HIPK1: variants seen among roughly 807,000 people sequenced by gnomAD.
HIPK1 encodes homeodomain-interacting protein kinase 1.
A neutral mutation model predicts 117.1 loss-of-function variants in HIPK1; 28 were observed. That is an observed-to-expected ratio of 0.24 (90% CI 0.18 to 0.33). The LOEUF (loss-of-function observed/expected upper bound fraction) is 0.33, where lower values mean the gene tolerates loss of function less well. Ranked by LOEUF, HIPK1 falls within the 10% of genes least tolerant of loss-of-function variation. The pLI is 1.00. For synonymous variants in HIPK1, 605 were observed against 562.5 expected (o/e 1.08, Z -1.07); for missense variants, 1,122 against 1,475.1 (o/e 0.76, Z 3.92).
intron 2 of HIPK1, among the ~76,000 whole-genome samples, chr1:113,950,806 G>GCACC (rs1286935947): frequency 6.6e-6 from 1 of 152,152 alleles, no homozygotes; most frequent in Non-Finnish European, 1.5e-5. Context: ...CTGGCCAAGG[G>GCACC]CACCATCTTT....
intron 1 of HIPK1, chr1:113,932,077 T>G (rs984944209): frequency 2.0e-5 from 3 of 152,226 alleles, no homozygotes; most frequent in African/African-American, 7.2e-5. Context: ...TGATCTTCCC[T>G]TTAGTTGTTG....
Position 113,962,444 on chromosome 1 carries a change from AG to A in HIPK1, c.2103+7del. On this transcript the variant is annotated splice_region_variant and intron_variant, in intron 9 of 15. Coordinates refer to ENST00000426820, the MANE Select transcript of HIPK1 (RefSeq NM_198268.3). Reference sequence around the variant, plus strand: ...AGTCAGGAGTTCTCACGCAGGTAAAAGCTAGAGCAATGTGGATACTCAGTAT... The same window carrying A: ...AGTCAGGAGTTCTCACGCAGGTAAAACTAGAGCAATGTGGATACTCAGTAT... 6.2e-7 allele frequency: 1 copy of A among 1,612,988 alleles called. No homozygotes were observed. Among genetic ancestry groups the A allele is most frequent in the Non-Finnish European group, 8.5e-7 (1 of 1,179,412 alleles).
In HIPK1 at chr1:113,940,974, C is replaced by G. The variant is rs750043102; in HGVS notation, c.591C>G (p.Gly197=). The part of the protein sequence containing the change: ...TNSYEVLEFL[G]RGTFGQVAKC... ...GCTATGAAGTCTTGGAGTTCCTAGG[C>G]CGGGGGACATTTGGACAGGTGGCTA... The change falls in exon 2 of 16, where the codon GGC becomes GGG. Residue 197 remains glycine (G), a synonymous_variant. Coordinates refer to ENST00000426820, the MANE Select transcript of HIPK1 (RefSeq NM_198268.3). 2 of 1,614,098 alleles carry G rather than the reference C, an allele frequency of 1.2e-6. No homozygotes were observed. Among genetic ancestry groups the G allele is most frequent in the South Asian group, 2.2e-5 (2 of 91,074 alleles).
rs1435708820 is a variant in HIPK1 at position 113,941,555 on chromosome 1, T to C, written c.1076+96T>C. ...GGCTACATATAGCAATGAATTTGTT[T>C]ATAGATTCTGAGATAGAAATAGGAT... On this transcript the variant is annotated intron_variant, in intron 2 of 15. Transcript: ENST00000426820. This position sits in a 1 kb window ranked among gnomAD's most constrained non-coding sequence, Gnocchi z 4.9. 3 of 933,642 alleles carry C rather than the reference T, an allele frequency of 3.2e-6. No homozygotes were observed. Among genetic ancestry groups the C allele is most frequent in the African/African-American group, 3.3e-5 (2 of 60,736 alleles). The allele number at this position is 933,642 out of a possible 1,614,324, so 57.8% of individuals were successfully genotyped here.
chr1:113,945,100 C>T (rs755892273), intron 2 of HIPK1, among the ~76,000 whole-genome samples: 19 of 151,898 alleles, frequency 1.3e-4, no homozygotes, highest in Non-Finnish European at 2.2e-4. Flanking sequence ...ATGCCCGCCT[C>T]GGCAACCCAA....
At position 113,940,916 on chromosome 1, in the gene HIPK1, T is replaced by C; in HGVS notation, c.533T>C (p.Val178Ala). The C allele has an allele frequency of 6.2e-7, 1 of 1,614,110 alleles. No individual in the cohort carries two copies. The highest frequency in any genetic ancestry group is 8.5e-7 in the Non-Finnish European group (1 of 1,180,026). Residue 178 changes from valine to alanine, a missense_variant, in exon 2 of 16, where the codon GTC becomes GCC. Transcript: ENST00000426820. ...SSSGEGDYQL[V>A]QHEILCSMTN... ...AGCGGAGAAGGGGATTACCAGCTGG[T>C]CCAGCATGAGATCCTTTGCTCTATG...
At position 113,940,692 on chromosome 1, in the gene HIPK1, C is replaced by T; in HGVS notation, c.309C>T (p.Ser103=). ...GSAATSTFQS[S]QTLTHRSNVS... ...CTGCTACATCAACCTTCCAAAGCAGCCAGACCCTGACTCACAGAAGCAACG... is the reference window on the plus strand; with the variant it reads ...CTGCTACATCAACCTTCCAAAGCAGTCAGACCCTGACTCACAGAAGCAACG... Residue 103 remains serine, a synonymous_variant, in exon 2 of 16, where the codon AGC becomes AGT. Coordinates refer to ENST00000426820, the MANE Select transcript of HIPK1 (RefSeq NM_198268.3). The T allele has an allele frequency of 6.2e-7, 1 of 1,614,204 alleles. No homozygotes were observed. Among genetic ancestry groups the T allele is most frequent in the Non-Finnish European group, 8.5e-7 (1 of 1,180,040 alleles).
Position 113,974,505 on chromosome 1 carries a change from G to A in HIPK1, c.*993G>A, listed in dbSNP as rs1267693945. 6.6e-6 allele frequency: 1 copy of A among 152,538 alleles called. No homozygotes were observed. Among genetic ancestry groups the A allele is most frequent in the East Asian group, 1.9e-4 (1 of 5,290 alleles). 9.4% of individuals were successfully genotyped at this position (152,538 alleles called of 1,614,324 possible). On this transcript the variant is annotated 3_prime_UTR_variant, in exon 16 of 16. Coordinates refer to ENST00000426820, the MANE Select transcript of HIPK1 (RefSeq NM_198268.3). ...ATTTTCAGTAATACACCTCTGTTTT[G>A]CTCATCTCTCCCTTCTGTTTTATGT...
chr1:113,933,977 C>A (rs1448598940), intron 1 of HIPK1, among the ~76,000 whole-genome samples: 1 of 152,134 alleles, frequency 6.6e-6, no homozygotes, highest in African/African-American at 2.4e-5. Context: ...TTTAGGTGTT[C>A]TGTTGGGAAG....
At chr1:113,933,903 T>C (rs1334245938) in intron 1 of HIPK1, among the ~76,000 whole-genome samples, 1 of 151,962 alleles carries the variant, frequency 6.6e-6, no homozygotes, top group Non-Finnish European at 1.5e-5. Flanking sequence ...AGGAAACCAG[T>C]TAAGCTGTTT....
chr1:113,958,632 G>A (rs1671890857), intron 8 of HIPK1, among the ~76,000 whole-genome samples: 1 of 152,096 alleles, frequency 6.6e-6, no homozygotes, highest in African/African-American at 2.4e-5. Flanking sequence ...GAAAAAATTT[G>A]TTGTAAGCAG....
intron 1 of HIPK1, among the ~76,000 whole-genome samples, chr1:113,939,749 A>G (rs1369454125): frequency 6.6e-6 from 1 of 152,090 alleles, no homozygotes; most frequent in Non-Finnish European, 1.5e-5. Context: ...TAAATATGAA[A>G]TGGCTTGTGT....
chr1:113,948,066 A>C (rs1671104408), intron 2 of HIPK1, among the ~76,000 whole-genome samples: 1 of 152,236 alleles, frequency 6.6e-6, no homozygotes, highest in African/African-American at 2.4e-5. Flanking sequence ...GAAAGATGTA[A>C]TGAAAATAAT....
chr1:113,947,525 G>C (rs1342616524), intron 2 of HIPK1, among the ~76,000 whole-genome samples: 1 of 152,198 alleles, frequency 6.6e-6, no homozygotes, highest in Non-Finnish European at 1.5e-5. Context: ...TGGTAAGTAA[G>C]TAGGTTTGAT....
At chr1:113,970,240 GT>G (rs1450357454) in intron 14 of HIPK1, 43 bp downstream of exon 14, 2 of 1,606,758 alleles carry the variant, frequency 1.2e-6, no homozygotes, top group Non-Finnish European at 1.7e-6. Flanking sequence ...CTCCTTTGAT[GT>G]GTGAATGCTT....
At chr1:113,935,272 A>G (rs1054743518) in intron 1 of HIPK1, among the ~76,000 whole-genome samples, 2 of 152,158 alleles carry the variant, frequency 1.3e-5, no homozygotes, top group African/African-American at 2.4e-5. Context: ...AAGTGAGAAC[A>G]TGCAGTACTT....
rs1673053089 is a variant in HIPK1 at position 113,974,806 on chromosome 1, A to G, written c.*1294A>G. On this transcript the variant is annotated 3_prime_UTR_variant, in exon 16 of 16. Coordinates refer to ENST00000426820, the MANE Select transcript of HIPK1 (RefSeq NM_198268.3). ...TATTGATTAGAAAAATATAACAAGC[A>G]ATTTTTCCTGCTAACCCAAAATGTT... 1 of 152,686 alleles carries G rather than the reference A, an allele frequency of 6.5e-6. No homozygotes were observed. 9.5% of individuals were successfully genotyped at this position (152,686 alleles called of 1,614,324 possible).
At chr1:113,956,858 A>G (rs1671762040) in intron 6 of HIPK1, 47 bp downstream of exon 6, 2 of 1,545,874 alleles carry the variant, frequency 1.3e-6, no homozygotes. Context: ...TTCTTTGTTG[A>G]GTTACCGCCT....
intron 14 of HIPK1, among the ~76,000 whole-genome samples, chr1:113,970,691 A>G (rs1373640815): frequency 1.3e-5 from 2 of 152,208 alleles, no homozygotes; most frequent in Non-Finnish European, 2.9e-5. Context: ...TTGCCCTGTT[A>G]GATACTGGAC....
Sources: allele counts gnomAD v4.1 joint callset (sites outside exome capture counted in the v4.1 genomes callset), GRCh38; gene constraint gnomAD v4.1.1; non-coding constraint Gnocchi (gnomAD v3.1); transcripts MANE v1.5; gene names NCBI Gene and HGNC (gene_info 2026-07-23, HGNC 2026-07-21).